The following TTLL5 variants were observed in gnomAD, a reference collection of about 807,000 sequenced individuals.
TTLL5 encodes tubulin tyrosine ligase like 5.
In TTLL5, 132 loss-of-function variants were observed where a neutral mutation model predicts 168.4. The ratio of observed to expected loss-of-function variants is 0.78; its 90% confidence interval spans 0.68 to 0.91. The LOEUF (loss-of-function observed/expected upper bound fraction) is 0.91, where lower values mean the gene tolerates loss of function less well. Among genes scored for constraint, TTLL5 ranks in the 40% least tolerant of loss-of-function variants. The pLI is 0.00. For synonymous variants in TTLL5, 546 were observed against 558.6 expected, an observed-to-expected ratio of 0.98 and a Z score of 0.32; for missense variants, 1,545 against 1,581.5, an observed-to-expected ratio of 0.98 and a Z score of 0.39.
intron 30 of TTLL5, chr14:75,886,789 C>T: frequency 6.3e-7 from 1 of 1,593,302 alleles, no homozygotes; most frequent in Non-Finnish European, 8.5e-7. Context: ...CAAACAACTA[C>T]ATGCATCTGA....
intron 28 of TTLL5, among the ~76,000 whole-genome samples, chr14:75,854,703 T>C (rs1308494871): frequency 6.6e-6 from 1 of 152,242 alleles, no homozygotes; most frequent in Non-Finnish European, 1.5e-5. Flanking sequence ...ATTTTAGTCA[T>C]GTTAGTAGAT....
chr14:75,725,703 C>T (rs1888149530), intron 12 of TTLL5, among the ~76,000 whole-genome samples: 1 of 152,118 alleles, frequency 6.6e-6, no homozygotes, highest in East Asian at 1.9e-4. Flanking sequence ...CTCTGCTCTC[C>T]CGTAACTAGA....
chr14:75,764,877 CA>C, intron 19 of TTLL5, 105 bp downstream of exon 19: 1 of 1,294,558 alleles, frequency 7.7e-7, no homozygotes, highest in Non-Finnish European at 1.1e-6. Flanking sequence ...TTCCTGATCA[CA>C]TACACCTTTT....
At chr14:75,684,364 G>A (rs1884869004) in intron 5 of TTLL5, 1 of 152,020 alleles carries the variant, frequency 6.6e-6, no homozygotes. Flanking sequence ...AATTTTCAGG[G>A]TTCCAAAGAA....
intron 28 of TTLL5, among the ~76,000 whole-genome samples, chr14:75,839,468 G>A (rs577210614): frequency 1.3e-5 from 2 of 152,302 alleles, no homozygotes; most frequent in African/African-American, 4.8e-5. Flanking sequence ...AAAGAAAAAA[G>A]GTTTCATTGA....
At chr14:75,737,873 G>T (rs1034867806) in intron 15 of TTLL5, among the ~76,000 whole-genome samples, 19 of 152,092 alleles carry the variant, frequency 1.2e-4, no homozygotes, top group African/African-American at 4.6e-4. Flanking sequence ...AGGAACAGGG[G>T]CTTGAAGGCA....
At chr14:75,773,923 T>G (rs1479720807) in intron 21 of TTLL5, among the ~76,000 whole-genome samples, 1,127 of 27,464 alleles carry the variant, frequency 0.041, 29 homozygotes, top group Non-Finnish European at 0.057. Context: ...TATATATATA[T>G]ATATAGAGAG....
chr14:75,909,919 G>A (rs1228384422), intron 31 of TTLL5, among the ~76,000 whole-genome samples: 1 of 152,198 alleles, frequency 6.6e-6, no homozygotes, highest in African/African-American at 2.4e-5. Flanking sequence ...TTTAGTAACT[G>A]TTTCTACATT....
Position 75,745,139 on chromosome 14 carries a change from C to A in TTLL5, c.1326C>A (p.Leu442=). ...LSASDAEMKN[L]VGSAREKGPG... ...CCAGTGATGCGGAAATGAAAAACCT[C>A]GTGGGCTCAGCCCGGGAGAAAGGGC... Residue 442 remains leucine, a synonymous_variant, in exon 16 of 32, where the codon CTC becomes CTA. Transcript: ENST00000298832. 1.2e-6 allele frequency: 2 copies of A among 1,613,916 alleles called. No individual in the cohort carries two copies. Among genetic ancestry groups the A allele is most frequent in the Non-Finnish European group, 1.7e-6 (2 of 1,179,888 alleles).
At chr14:75,914,302 A>G (rs559183797) in intron 31 of TTLL5, among the ~76,000 whole-genome samples, 1 of 151,820 alleles carries the variant, frequency 6.6e-6, no homozygotes, top group South Asian at 2.1e-4. Flanking sequence ...TTATATCTGT[A>G]TGTTTCTTCA....
At chr14:75,926,326 T>C (rs1160443227) in intron 31 of TTLL5, among the ~76,000 whole-genome samples, 2 of 152,030 alleles carry the variant, frequency 1.3e-5, no homozygotes, top group African/African-American at 2.4e-5. Flanking sequence ...TGTCTTTTAA[T>C]TGGGGCATTT....
intron 30 of TTLL5, among the ~76,000 whole-genome samples, chr14:75,886,341 T>A (rs1020105340): frequency 1.3e-5 from 2 of 152,212 alleles, no homozygotes; most frequent in African/African-American, 4.8e-5. Context: ...TTCTTTATGA[T>A]AATACTCAAG....
rs1250880301 is a variant in TTLL5 at position 75,727,952 on chromosome 14, ATGGATATGT to A, written c.1043-4385_1043-4377del. 1,204 of 411,144 alleles carry A rather than the reference ATGGATATGT, an allele frequency of 2.9e-3. 13 individuals carry two copies. Among genetic ancestry groups the A allele is most frequent in the African/African-American group, 0.023 (1,135 of 48,344 alleles). The allele number at this position is 411,144 out of a possible 1,614,324, so 25.5% of individuals were successfully genotyped here. ...GTGGGCTGACAGGCATGTGGGTTAC[ATGGATATGT>A]CCAATTATCAAGACTTGTCAAGTTG... On this transcript the variant is annotated intron_variant, in intron 12 of 31. Transcript: ENST00000298832.
chr14:75,714,638 C>T (rs1887309408), intron 9 of TTLL5, among the ~76,000 whole-genome samples: 1 of 152,056 alleles, frequency 6.6e-6, no homozygotes, highest in South Asian at 2.1e-4. Context: ...CAAATTGTCC[C>T]AGATTTGGCC....
At chr14:75,735,162 G>A (rs1209282218) in intron 14 of TTLL5, 33 bp from the exon 15 acceptor site, 5 of 1,598,304 alleles carry the variant, frequency 3.1e-6, no homozygotes, top group African/African-American at 2.7e-5. Context: ...CTTAGAAAAT[G>A]GCAGGTTTTA....
At chr14:75,930,572 A>T in intron 31 of TTLL5, 1 of 980,442 alleles carries the variant, frequency 1.0e-6, no homozygotes. Context: ...ATATATTATT[A>T]ATTAAATATC....
chr14:75,828,708 C>T (rs1030993924), intron 28 of TTLL5, among the ~76,000 whole-genome samples: 1 of 152,154 alleles, frequency 6.6e-6, no homozygotes, highest in Non-Finnish European at 1.5e-5. Context: ...AAGACCCTGC[C>T]TATACTGTTG....
intron 3 of TTLL5, among the ~76,000 whole-genome samples, chr14:75,676,091 A>C (rs1884129186): frequency 6.6e-6 from 1 of 152,166 alleles, no homozygotes; most frequent in Non-Finnish European, 1.5e-5. Context: ...GAGCAAAACC[A>C]ATCACCCTTT....
intron 31 of TTLL5, chr14:75,904,029 C>G (rs1050894775): frequency 9.5e-7 from 1 of 1,057,640 alleles, no homozygotes; most frequent in Non-Finnish European, 1.2e-6. Context: ...TAACTACACC[C>G]GGGCCACTAC....
Sources: gnomAD v4.1 joint callset for allele counts (sites outside exome capture counted in the v4.1 genomes callset) on GRCh38, gnomAD v4.1.1 for gene constraint, MANE v1.5 for transcripts, NCBI Gene and HGNC (gene_info 2026-07-23, HGNC 2026-07-21) for gene names.